Variants in CRTC3 observed in about 807,000 individuals in gnomAD.
CRTC3 encodes CREB regulated transcription coactivator 3, also known as CREB-regulated transcription coactivator 3.
CRTC3 carries 26 observed loss-of-function variants against 74.5 expected under a neutral mutation model. That is an observed-to-expected ratio of 0.35 (90% CI 0.26 to 0.48). The LOEUF is 0.48. Among genes scored for constraint, CRTC3 ranks in the 20% least tolerant of loss-of-function variants. The probability of loss-of-function intolerance (pLI) is 0.99; values close to 1 mark genes in which losing one functional copy is unlikely to be tolerated. For missense variants in CRTC3, 760 were observed against 787.3 expected, an observed-to-expected ratio of 0.97 and a Z score of 0.41; for synonymous variants, 377 against 325.8, an observed-to-expected ratio of 1.16 and a Z score of -1.69.
intron 2 of CRTC3, among the ~76,000 whole-genome samples, chr15:90,580,908 T>TA (rs539290584): frequency 2.7e-4 from 40 of 149,704 alleles, no homozygotes; most frequent in African/African-American, 6.8e-4. Context: ...CATGATGAAT[T>TA]AAAAAAAAAA....
intron 2 of CRTC3, among the ~76,000 whole-genome samples, chr15:90,541,983 C>T (rs926052474): frequency 1.3e-5 from 2 of 151,692 alleles, no homozygotes; most frequent in African/African-American, 4.8e-5. Context: ...TGGGGTTTCA[C>T]CATGTTGGTC....
chr15:90,584,163 A>C (rs1372565841), intron 2 of CRTC3, among the ~76,000 whole-genome samples: 1 of 151,904 alleles, frequency 6.6e-6, no homozygotes, highest in Non-Finnish European at 1.5e-5. Context: ...GTCTGCATAT[A>C]AATAAAGAGC....
At position 90,642,988 on chromosome 15, in the gene CRTC3, A is replaced by C. The variant is rs986054712; in HGVS notation, c.*848A>C. On this transcript the variant is annotated 3_prime_UTR_variant, in exon 15 of 15. Coordinates refer to ENST00000268184, the MANE Select transcript of CRTC3 (RefSeq NM_022769.5). ...ACAGACCTCCCCACTAAGAGCAGCC[A>C]GAGGGAGCTGGTGAGGCCCTAACCC... The C allele has an allele frequency of 4.3e-6, 1 of 232,508 alleles. No individual in the cohort carries two copies. The highest frequency in any genetic ancestry group is 2.2e-5 in the African/African-American group (1 of 45,288). 14.4% of individuals were successfully genotyped at this position (232,508 alleles called of 1,614,324 possible).
intron 7 of CRTC3, among the ~76,000 whole-genome samples, chr15:90,615,092 T>C (rs8036317): frequency 6.6e-6 from 1 of 151,930 alleles, no homozygotes; most frequent in African/African-American, 2.4e-5. Context: ...ATAAATAAAT[T>C]AATTAATTGA....
At chr15:90,545,743 ATTT>A (rs71154111) in intron 2 of CRTC3, among the ~76,000 whole-genome samples, 1 of 151,296 alleles carries the variant, frequency 6.6e-6, no homozygotes, top group African/African-American at 2.4e-5. Context: ...CGCCCGGGTA[ATTT>A]TTTTTGTATT....
At chr15:90,613,071 G>A (rs1043792179) in intron 6 of CRTC3, among the ~76,000 whole-genome samples, 16 of 149,304 alleles carry the variant, frequency 1.1e-4, no homozygotes, top group African/African-American at 3.2e-4. Context: ...CTGGTGGCAC[G>A]CGCCTGTAAT....
At chr15:90,593,792 T>G in intron 3 of CRTC3, 37 bp downstream of exon 3, 1 of 1,552,196 alleles carries the variant, frequency 6.4e-7, no homozygotes, top group Non-Finnish European at 8.8e-7. Flanking sequence ...GTGTGCATTC[T>G]GAAATGTTTG....
chr15:90,619,691 T>G lies in CRTC3; in HGVS notation c.700-50T>G, dbSNP rs200123845. 131 of 1,562,996 alleles carry G rather than the reference T, an allele frequency of 8.4e-5. No individual in the cohort carries two copies. In the Admixed American group the frequency reaches 1.2e-3, roughly 15 times the overall value. On this transcript the variant is annotated intron_variant, in intron 8 of 14. Coordinates refer to ENST00000268184, the MANE Select transcript of CRTC3 (RefSeq NM_022769.5). ...CTTACGAAGACACTTTTCAAAAACT[T>G]GAATTTGGCTTTACAGCGAGTAAGC...
chr15:90,622,043 C>G (rs921174002), intron 9 of CRTC3, among the ~76,000 whole-genome samples: 2 of 152,086 alleles, frequency 1.3e-5, no homozygotes, highest in African/African-American at 4.8e-5. Flanking sequence ...CACCAGCGGG[C>G]GTTGAGGAAA....
At chr15:90,608,299 A>G (rs184899865) in intron 6 of CRTC3, among the ~76,000 whole-genome samples, 157 of 152,262 alleles carry the variant, frequency 1.0e-3, no homozygotes, top group Non-Finnish European at 1.8e-3. Context: ...TTCAGGAGAA[A>G]GAGCCCAGAT....
intron 2 of CRTC3, among the ~76,000 whole-genome samples, chr15:90,577,084 C>T (rs1324514007): frequency 1.3e-5 from 2 of 152,086 alleles, no homozygotes; most frequent in African/African-American, 4.8e-5. Flanking sequence ...TGCCCTCTTG[C>T]TCAGGCTGCC....
rs755359204 is a variant in CRTC3, at chr15:90,641,171, C to T, written c.1623C>T (p.Cys541=). ...FHLRPSPYSN[C]GSLPNTILPE... ...TGAGACCAAGCCCGTATTCCAACTG[C>T]GGGAGTCTCCCGAACACCATCCTGC... is the stretch of plus-strand genomic sequence containing the variant. The change falls in exon 14 of 15, where the codon TGC becomes TGT. Residue 541 remains cysteine (C), a synonymous_variant. Coordinates refer to ENST00000268184, the MANE Select transcript of CRTC3 (RefSeq NM_022769.5). 16 of 1,613,682 alleles carry T rather than the reference C, an allele frequency of 9.9e-6. No homozygotes were observed. Among genetic ancestry groups the T allele is most frequent in the Non-Finnish European group, 1.3e-5 (15 of 1,179,660 alleles).
At chr15:90,534,462 T>G (rs1966684341) in intron 1 of CRTC3, among the ~76,000 whole-genome samples, 1 of 152,202 alleles carries the variant, frequency 6.6e-6, no homozygotes, top group Non-Finnish European at 1.5e-5. Context: ...TAGATTTGGC[T>G]GCCTAGGAAG....
intron 2 of CRTC3, among the ~76,000 whole-genome samples, chr15:90,562,786 G>C (rs918223488): frequency 6.6e-6 from 1 of 152,042 alleles, no homozygotes; most frequent in Non-Finnish European, 1.5e-5. Flanking sequence ...AGAGTTGGGA[G>C]GCAACAGCCT....
intron 2 of CRTC3, among the ~76,000 whole-genome samples, chr15:90,583,782 G>A (rs949012532): frequency 6.6e-6 from 1 of 152,064 alleles, no homozygotes; most frequent in Admixed American, 6.6e-5. Flanking sequence ...AGGCTGGCTG[G>A]GTGCTGGCAG....
At position 90,555,620 on chromosome 15, in the gene CRTC3, T is replaced by C. The variant is rs535963884; in HGVS notation, c.231+15483T>C. 6.6e-5 allele frequency among the ~76,000 whole-genome samples: 10 copies of C among 152,244 alleles called. No homozygotes were observed. In the East Asian group the frequency reaches 1.9e-3, roughly 29 times the overall value. On this transcript the variant is annotated intron_variant, in intron 2 of 14. Transcript: ENST00000268184. ...GCAACCTCTGCCTCCCAAGTTCAAG[T>C]GATTCTCCTGCTTCAGCATCCTGAG...
chr15:90,643,710 G>A lies in CRTC3; in HGVS notation c.*1570G>A. 4.3e-6 allele frequency: 1 copy of A among 232,030 alleles called. No individual in the cohort carries two copies. The highest frequency in any genetic ancestry group is 8.5e-6 in the Non-Finnish European group (1 of 117,314). The allele number at this position is 232,030 out of a possible 1,614,324, so 14.4% of individuals were successfully genotyped here. A position where few individuals can be genotyped will look rare whatever the true frequency, so the allele number is the denominator to read the frequency against. On this transcript the variant is annotated 3_prime_UTR_variant, in exon 15 of 15. Transcript: ENST00000268184. ...GGTGATGCCAGTAGGTTTGAAGGGGGCAGAGCACTGCAGGGGGAGGGGGGG... is the reference window on the plus strand; with the variant it reads ...GGTGATGCCAGTAGGTTTGAAGGGGACAGAGCACTGCAGGGGGAGGGGGGG...
Position 90,607,445 on chromosome 15 carries a change from G to A in CRTC3, c.544G>A (p.Gly182Arg). ...STKPQDPYGG[G>R]GQSAWPAPYM... ...CAAGCCCCAGGACCCCTATGGAGGA[G>A]GGGGCCAGTCGGCCTGGCCTGCCCC... The change falls in exon 6 of 15, where the codon GGG becomes AGG. Residue 182 changes from glycine (G) to arginine (R), a missense_variant. Transcript: ENST00000268184. 2 of 1,612,880 alleles carry A rather than the reference G, an allele frequency of 1.2e-6. No individual in the cohort carries two copies. The highest frequency in any genetic ancestry group is 8.5e-7 in the Non-Finnish European group (1 of 1,179,264).
chr15:90,538,608 G>A (rs1450292624), intron 1 of CRTC3, among the ~76,000 whole-genome samples: 2 of 151,888 alleles, frequency 1.3e-5, no homozygotes, highest in Non-Finnish European at 2.9e-5. Context: ...AAAGATGATT[G>A]TATATAAGTT....
Sources: gnomAD v4.1 joint callset for allele counts (sites outside exome capture counted in the v4.1 genomes callset) on GRCh38, gnomAD v4.1.1 for gene constraint, MANE v1.5 for transcripts, NCBI Gene and HGNC (gene_info 2026-07-23, HGNC 2026-07-21) for gene names.